Variants in CSMD1 observed in about 807,000 individuals in gnomAD.
CSMD1 encodes the protein CUB and sushi domain-containing protein 1.
In CSMD1, 213 loss-of-function variants were observed where a neutral mutation model predicts 417.5. The ratio of observed to expected loss-of-function variants is 0.51; its 90% CI spans 0.46 to 0.57. CSMD1 has a LOEUF of 0.57. CSMD1 is among the 20% of genes least tolerant of loss of function. The pLI is 0.00. For synonymous variants in CSMD1, 2,862 were observed against 1,736.8 expected (o/e 1.65, Z -16.11); for missense variants, 6,923 against 4,529.7 (o/e 1.53, Z -15.17).
At chr8:3,512,234 T>G (rs1245717245) in intron 10 of CSMD1, among the ~76,000 whole-genome samples, 1 of 152,238 alleles carries the variant, frequency 6.6e-6, no homozygotes, top group Non-Finnish European at 1.5e-5. Context: ...CGGGTCCACG[T>G]GCAGAACCAT....
intron 3 of CSMD1, among the ~76,000 whole-genome samples, chr8:4,353,165 G>C (rs945339226): frequency 9.9e-5 from 15 of 152,274 alleles, no homozygotes; most frequent in Admixed American, 2.6e-4. Flanking sequence ...CTGTCACCTT[G>C]AATTGTAATA....
chr8:4,743,251 G>A (rs1205878069), intron 1 of CSMD1, among the ~76,000 whole-genome samples: 1 of 152,126 alleles, frequency 6.6e-6, no homozygotes, highest in East Asian at 1.9e-4. Flanking sequence ...TTTAAAATGT[G>A]TGAAAAATTT....
intron 23 of CSMD1, among the ~76,000 whole-genome samples, chr8:3,329,194 G>C (rs993551314): frequency 2.6e-5 from 4 of 152,130 alleles, no homozygotes; most frequent in African/African-American, 9.7e-5. Flanking sequence ...AAATGACCTT[G>C]TTTTAGGATA....
rs541389184 is a variant in CSMD1, at chr8:4,290,433, C to A, written c.415+129520G>T. ...AAAGGTCTCTAACATGAGATTTGAA[C>A]TTCCATGCTGTTCTATGGGCAATTT... On this transcript the variant is annotated intron_variant, in intron 3 of 69. Transcript: ENST00000635120. 1.1e-4 allele frequency among the ~76,000 whole-genome samples: 17 copies of A among 152,284 alleles called. No individual in the cohort carries two copies. In the South Asian group the frequency reaches 3.1e-3, roughly 28 times the overall value.
intron 25 of CSMD1, among the ~76,000 whole-genome samples, chr8:3,306,852 A>T (rs1168835412): frequency 5.5e-5 from 4 of 73,078 alleles, no homozygotes; most frequent in African/African-American, 2.0e-4. Context: ...TACAGAGCTT[A>T]CTTTAAAAAT....
chr8:3,298,723 G>C (rs1326350996), intron 25 of CSMD1, among the ~76,000 whole-genome samples: 2 of 152,336 alleles, frequency 1.3e-5, no homozygotes, highest in South Asian at 2.1e-4. Context: ...CAAAGTGCTA[G>C]GATTACAGGC....
At chr8:4,235,634 G>C (rs1802000522) in intron 3 of CSMD1, among the ~76,000 whole-genome samples, 1 of 152,064 alleles carries the variant, frequency 6.6e-6, no homozygotes, top group African/African-American at 2.4e-5. Flanking sequence ...AACTTACTGA[G>C]GACCTGAAAT....
chr8:3,080,402 C>A (rs1389901721), intron 49 of CSMD1, among the ~76,000 whole-genome samples: 3 of 152,172 alleles, frequency 2.0e-5, no homozygotes, highest in Admixed American at 2.0e-4. Context: ...TCGATAAGAA[C>A]CAACAGAGAT....
chr8:4,059,515 G>C (rs1409511869), intron 3 of CSMD1, among the ~76,000 whole-genome samples: 3 of 152,200 alleles, frequency 2.0e-5, no homozygotes, highest in African/African-American at 7.2e-5. Flanking sequence ...CTGGTTTTTT[G>C]AAAGGATCAA....
At chr8:4,333,499 C>G (rs1404100650) in intron 3 of CSMD1, among the ~76,000 whole-genome samples, 5 of 152,108 alleles carry the variant, frequency 3.3e-5, no homozygotes, top group Admixed American at 3.3e-4. Flanking sequence ...ATTATGTGTA[C>G]AGCACTACTC....
At chr8:3,643,580 A>G (rs899506414) in intron 7 of CSMD1, among the ~76,000 whole-genome samples, 3 of 151,820 alleles carry the variant, frequency 2.0e-5, no homozygotes, top group Non-Finnish European at 4.4e-5. Context: ...GGGCGCCTGT[A>G]GTCCCAACTA....
intron 3 of CSMD1, among the ~76,000 whole-genome samples, chr8:4,100,408 C>G (rs978582281): frequency 6.6e-6 from 1 of 152,192 alleles, no homozygotes; most frequent in Non-Finnish European, 1.5e-5. Context: ...AGTCAGCCAA[C>G]TACTCTGTAG....
intron 27 of CSMD1, among the ~76,000 whole-genome samples, chr8:3,226,548 C>T (rs1182342983): frequency 1.4e-5 from 2 of 146,936 alleles, no homozygotes; most frequent in Non-Finnish European, 3.0e-5. Context: ...CACCACTGCA[C>T]TCCAGCTTAT....
At chr8:4,179,972 T>C (rs992554130) in intron 3 of CSMD1, among the ~76,000 whole-genome samples, 1 of 152,068 alleles carries the variant, frequency 6.6e-6, no homozygotes, top group East Asian at 1.9e-4. Context: ...ACTTTTACAC[T>C]GTTAGTGGGA....
intron 1 of CSMD1, among the ~76,000 whole-genome samples, chr8:4,742,130 A>T (rs1339716242): frequency 7.0e-5 from 10 of 141,994 alleles, no homozygotes; most frequent in Non-Finnish European, 1.3e-4. Flanking sequence ...TCCCGGGTTC[A>T]CGCCATTCTC....
At chr8:3,964,359 C>A (rs1011768362) in intron 5 of CSMD1, among the ~76,000 whole-genome samples, 1 of 152,172 alleles carries the variant, frequency 6.6e-6, no homozygotes, top group African/African-American at 2.4e-5. Context: ...ACTGGTACAA[C>A]TTAATTCACA....
intron 5 of CSMD1, among the ~76,000 whole-genome samples, chr8:3,961,845 A>T (rs1812349377): frequency 1.3e-5 from 2 of 152,206 alleles, no homozygotes; most frequent in Non-Finnish European, 2.9e-5. Context: ...CAGCATCATG[A>T]GGAAGAGATG....
chr8:3,077,025 A>C (rs954630838), intron 49 of CSMD1, among the ~76,000 whole-genome samples: 6 of 123,444 alleles, frequency 4.9e-5, no homozygotes, highest in Non-Finnish European at 8.7e-5. Flanking sequence ...TTGGAGTCCT[A>C]AGTGCACTTC....
intron 30 of CSMD1, among the ~76,000 whole-genome samples, chr8:3,208,743 G>A (rs1797440925): frequency 6.6e-6 from 1 of 152,074 alleles, no homozygotes; most frequent in African/African-American, 2.4e-5. Context: ...ACTGCAGCAT[G>A]GCTAGAATAT....
Sources: allele counts gnomAD v4.1 joint callset (sites outside exome capture counted in the v4.1 genomes callset), GRCh38; gene constraint gnomAD v4.1.1; transcripts MANE v1.5; gene names NCBI Gene and HGNC (gene_info 2026-07-23, HGNC 2026-07-21).